The following NCAPG2 variants were observed in gnomAD, a reference collection of about 807,000 sequenced individuals.
The protein encoded by NCAPG2 is non-SMC condensin II complex subunit G2, also known as condensin-2 complex subunit G2.
Under a neutral mutation model 141.1 loss-of-function variants are expected in NCAPG2, and 53 were observed. The ratio of observed to expected loss-of-function variants is 0.38; its 90% CI spans 0.30 to 0.47. The LOEUF (loss-of-function observed/expected upper bound fraction) is 0.47, where lower values mean the gene tolerates loss of function less well. Ranked by LOEUF, NCAPG2 falls within the 20% of genes least tolerant of loss-of-function variation. The pLI, the probability that NCAPG2 is intolerant of heterozygous loss-of-function variation, is 0.99. For missense variants in NCAPG2, 1,087 were observed against 1,389.0 expected (o/e 0.78, Z 3.46); for synonymous variants, 499 against 490.7 (o/e 1.02, Z -0.22).
intron 4 of NCAPG2, among the ~76,000 whole-genome samples, chr7:158,691,452 G>A (rs1029960390): frequency 4.6e-5 from 7 of 152,222 alleles, no homozygotes; most frequent in African/African-American, 1.7e-4. Flanking sequence ...ATAAGACACT[G>A]TATTTCAACT....
intron 27 of NCAPG2, among the ~76,000 whole-genome samples, chr7:158,637,105 G>A (rs1037914165): frequency 3.3e-5 from 5 of 152,100 alleles, no homozygotes; most frequent in East Asian, 2.0e-4. Flanking sequence ...CCGCCACCAT[G>A]CCCGGCTAAT....
chr7:158,667,035 C>T, intron 13 of NCAPG2: 3 of 746,762 alleles, frequency 4.0e-6, no homozygotes, highest in Non-Finnish European at 4.9e-6. Flanking sequence ...CTCCCGTCAG[C>T]TCCAACAGCT....
At position 158,693,434 on chromosome 7, in the gene NCAPG2, C is replaced by T. The variant is rs760233085; in HGVS notation, c.142G>A (p.Glu48Lys). The change falls in exon 3 of 28, where the codon GAA becomes AAA. Residue 48 changes from glutamate (E) to lysine (K), a missense_variant. Physicochemically the swap from Glu to Lys is moderately conservative, Grantham distance 56. Transcript: ENST00000356309. ...TTCTTCAGCCTTTGCCATAATTCTT[C>T]TTTCTGTTTCCTTGATAATTCATCT... ...LLDELSRKQK[E>K]ELWQRLKNLL... is the part of the protein sequence containing the mutation. 6.2e-7 allele frequency: 1 copy of T among 1,614,060 alleles called. No individual in the cohort carries two copies. Among genetic ancestry groups the T allele is most frequent in the Non-Finnish European group, 8.5e-7 (1 of 1,179,944 alleles).
At chr7:158,690,058 C>T in intron 5 of NCAPG2, 105 bp from the exon 6 acceptor site, 1 of 1,047,450 alleles carries the variant, frequency 9.5e-7, no homozygotes, top group Non-Finnish European at 1.3e-6. Context: ...CTAGTTGATT[C>T]ATCAAAGATT....
At position 158,658,380 on chromosome 7, in the gene NCAPG2, A is replaced by G; in HGVS notation, c.2018T>C (p.Met673Thr). 2 of 1,612,836 alleles carry G rather than the reference A, an allele frequency of 1.2e-6. No individual in the cohort carries two copies. The highest frequency in any genetic ancestry group is 1.7e-6 in the Non-Finnish European group (2 of 1,179,342). Residue 673 changes from methionine (M) to threonine (T), a missense_variant, in exon 17 of 28, where the codon ATG (methionine) becomes ACG (threonine). Physicochemically the swap from Met to Thr is moderately conservative, Grantham distance 81. Transcript: ENST00000356309. The stretch of plus-strand genomic sequence containing the variant: ...AGAGGCCGGCATAAAGGACATTAGC[A>G]TGAATAAAGGGATCTTGCAGCGATC... ...KDDRCKIPLFMLMSFMPASAV... is the reference protein window; with the variant it reads ...KDDRCKIPLFTLMSFMPASAV...
At position 158,656,556 on chromosome 7, in the gene NCAPG2, G is replaced by A; in HGVS notation, c.2210C>T (p.Ala737Val). ...DNWLPTEHAQ[A>V]KSNTASKGRV... Reference sequence around the variant, plus strand: ...GGAAACATGATGTCAACCTACCTTGGCCTGGGCATGCTCTGTGGGCAGCCA... The same window carrying A: ...GGAAACATGATGTCAACCTACCTTGACCTGGGCATGCTCTGTGGGCAGCCA... Residue 737 changes from alanine to valine, a missense_variant, in exon 18 of 28, where the codon GCC (alanine) becomes GTC (valine). Coordinates refer to ENST00000356309, the MANE Select transcript of NCAPG2 (RefSeq NM_017760.7). 2 of 1,613,992 alleles carry A rather than the reference G, an allele frequency of 1.2e-6. No individual in the cohort carries two copies. Among genetic ancestry groups the A allele is most frequent in the African/African-American group, 2.7e-5 (2 of 75,026 alleles).
At chr7:158,662,416 C>G in intron 15 of NCAPG2, 49 bp from the exon 16 acceptor site, 1 of 1,454,618 alleles carries the variant, frequency 6.9e-7, no homozygotes, top group African/African-American at 1.4e-5. Context: ...ATAGCAACTA[C>G]TAAAAGGTAA....
chr7:158,645,311 T>G (rs114523552), intron 26 of NCAPG2, among the ~76,000 whole-genome samples: 2,125 of 152,146 alleles, frequency 0.014, 52 homozygotes, highest in African/African-American at 0.048. Flanking sequence ...CAAGCTGATA[T>G]AAAAACAGAT....
intron 16 of NCAPG2, among the ~76,000 whole-genome samples, chr7:158,660,498 T>C (rs1333952081): frequency 6.7e-6 from 1 of 150,214 alleles, no homozygotes; most frequent in African/African-American, 2.5e-5. Flanking sequence ...CAGTTCACTG[T>C]AGTCTCAAAC....
intron 2 of NCAPG2, among the ~76,000 whole-genome samples, chr7:158,700,656 T>C (rs147290222): frequency 1.8e-3 from 270 of 152,338 alleles, no homozygotes; most frequent in African/African-American, 6.0e-3. Flanking sequence ...CAGGATATCA[T>C]TTTATAATAC....
chr7:158,686,928 A>C (rs1563569328), intron 7 of NCAPG2, among the ~76,000 whole-genome samples: 1 of 152,204 alleles, frequency 6.6e-6, no homozygotes. Context: ...CACACACTTG[A>C]CATCTCCATC....
intron 6 of NCAPG2, among the ~76,000 whole-genome samples, chr7:158,688,414 C>T (rs1333832776): frequency 1.3e-5 from 2 of 152,186 alleles, no homozygotes; most frequent in Admixed American, 6.5e-5. Context: ...TTAACAAGTA[C>T]GATTCATCAA....
intron 1 of NCAPG2, chr7:158,703,841 T>C (rs540753925): frequency 1.3e-5 from 2 of 152,814 alleles, no homozygotes; most frequent in African/African-American, 4.8e-5. Flanking sequence ...AGGAGACTGA[T>C]GTCTCTGAGG....
intron 26 of NCAPG2, 73 bp downstream of exon 26, chr7:158,645,446 C>A: frequency 1.5e-6 from 2 of 1,349,046 alleles, no homozygotes; most frequent in East Asian, 2.3e-5. Flanking sequence ...AGGGGCTGAT[C>A]CCCGGAATCC....
At chr7:158,672,701 CA>C (rs1833820176) in intron 12 of NCAPG2, among the ~76,000 whole-genome samples, 1 of 152,036 alleles carries the variant, frequency 6.6e-6, no homozygotes, top group African/African-American at 2.4e-5. Context: ...GCTCTTCTTC[CA>C]AAGCACTCAA....
At chr7:158,681,660 C>T (rs991300928) in intron 9 of NCAPG2, among the ~76,000 whole-genome samples, 3 of 152,106 alleles carry the variant, frequency 2.0e-5, no homozygotes, top group Admixed American at 6.5e-5. Flanking sequence ...TGACATTAGT[C>T]TATAGTTTGC....
At chr7:158,687,311 A>G in intron 7 of NCAPG2, 37 bp downstream of exon 7, 1 of 1,455,440 alleles carries the variant, frequency 6.9e-7, no homozygotes, top group Admixed American at 1.9e-5. Flanking sequence ...AAACCAGATT[A>G]AGACAGCACA....
intron 14 of NCAPG2, 67 bp from the exon 15 acceptor site, chr7:158,664,363 T>C: frequency 1.3e-6 from 2 of 1,532,228 alleles, no homozygotes; most frequent in Non-Finnish European, 1.8e-6. Context: ...TATCTGATAG[T>C]GAAATTATAA....
At chr7:158,667,178 T>C in intron 13 of NCAPG2, 3 of 985,422 alleles carry the variant, frequency 3.0e-6, no homozygotes, top group Non-Finnish European at 3.6e-6. Context: ...TGCCTTGCAC[T>C]TGCAAAGATA....
Sources: allele counts gnomAD v4.1 joint callset (sites outside exome capture counted in the v4.1 genomes callset), GRCh38; gene constraint gnomAD v4.1.1; transcripts MANE v1.5; gene names NCBI Gene and HGNC (gene_info 2026-07-23, HGNC 2026-07-21).